The following BRINP1 variants were observed in gnomAD, a reference collection of about 807,000 sequenced individuals.
BRINP1 encodes the protein BMP/retinoic acid inducible neural specific 1, also known as BMP/retinoic acid-inducible neural-specific protein 1.
In BRINP1, 17 loss-of-function variants were observed where a neutral mutation model predicts 72.9. The observed-to-expected ratio is 0.23, with a 90% CI of 0.16 to 0.35. The LOEUF is 0.35. Ranked by LOEUF, BRINP1 falls within the 10% of genes least tolerant of loss-of-function variation. The pLI, the probability that BRINP1 is intolerant of heterozygous loss-of-function variation, is 1.00. For synonymous variants in BRINP1, 418 were observed against 378.5 expected (o/e 1.10, Z -1.21); for missense variants, 850 against 1,001.6 (o/e 0.85, Z 2.04).
chr9:119,270,770 G>A (rs2118950956), intron 2 of BRINP1, among the ~76,000 whole-genome samples: 1 of 152,184 alleles, frequency 6.6e-6, no homozygotes, highest in East Asian at 1.9e-4. Context: ...ATCTAGATTT[G>A]GGGAGAAAAA....
intron 2 of BRINP1, among the ~76,000 whole-genome samples, chr9:119,302,527 C>A (rs1588197609): frequency 6.6e-6 from 1 of 151,940 alleles, no homozygotes; most frequent in Non-Finnish European, 1.5e-5. Context: ...ATCATTGAAA[C>A]CTTAAGAACA....
intron 2 of BRINP1, among the ~76,000 whole-genome samples, chr9:119,289,445 A>C (rs2118971415): frequency 6.6e-6 from 1 of 152,304 alleles, no homozygotes; most frequent in Admixed American, 6.5e-5. Context: ...GTTCCGTGAA[A>C]GGAGGAGGCC....
chr9:119,167,075 A>T lies in BRINP1; in HGVS notation c.*9T>A, dbSNP rs765485267. The T allele has an allele frequency of 3.8e-6, 6 of 1,581,946 alleles. No homozygotes were observed. The highest frequency in any genetic ancestry group is 1.7e-4 in the Middle Eastern group (1 of 5,828). ...ACAACAGGAAAAGTCCATGGCAAGGAGTCCCGGGTTAGCAGAGTTTGGCTG... is the reference window on the plus strand; with the variant it reads ...ACAACAGGAAAAGTCCATGGCAAGGTGTCCCGGGTTAGCAGAGTTTGGCTG... On this transcript the variant is annotated 3_prime_UTR_variant, in exon 8 of 8. Transcript: ENST00000265922. This position sits in a 1 kb window ranked among gnomAD's most constrained non-coding sequence, Gnocchi z 4.3.
chr9:119,193,798 GT>G (rs2118853656), intron 7 of BRINP1, among the ~76,000 whole-genome samples: 1 of 152,076 alleles, frequency 6.6e-6, no homozygotes, highest in South Asian at 2.1e-4. Context: ...TATTTCTCCC[GT>G]AAAGACAACA....
chr9:119,274,633 T>C (rs1347272911), intron 2 of BRINP1, among the ~76,000 whole-genome samples: 1 of 152,146 alleles, frequency 6.6e-6, no homozygotes. Flanking sequence ...ATTTGTAGAA[T>C]GGAAATGATT....
intron 3 of BRINP1, among the ~76,000 whole-genome samples, chr9:119,247,543 TGCTCGGCGG>T (rs1392897410): frequency 2.6e-5 from 4 of 151,374 alleles, no homozygotes; most frequent in Admixed American, 1.3e-4. Flanking sequence ...TAGTCCCAGC[TGCTCGGCGG>T]GCTGAGGCAG....
chr9:119,322,979 C>A, intron 1 of BRINP1, among the ~76,000 whole-genome samples: 1 of 152,148 alleles, frequency 6.6e-6, no homozygotes, highest in East Asian at 1.9e-4. Flanking sequence ...AGGTGCACGA[C>A]CATCATATAG....
rs777192574 is a variant in BRINP1, at chr9:119,313,220, C to G, written c.136G>C (p.Gly46Arg). The change falls in exon 2 of 8, where the codon GGG becomes CGG. Residue 46 changes from glycine to arginine, a missense_variant. Physicochemically the swap from Gly to Arg is moderately radical, Grantham distance 125. Coordinates refer to ENST00000265922, the MANE Select transcript of BRINP1 (RefSeq NM_014618.3). ...TAGCTCCTGGAGTGGTGGAAAGGCC[C>G]CCTGTCTGAAATGAGCCAATCAAAT... ...KEFDWLISDRGPFHHSRSYLS... is the reference protein window; with the variant it reads ...KEFDWLISDRRPFHHSRSYLS... The G allele has an allele frequency of 6.2e-7, 1 of 1,614,006 alleles. No homozygotes were observed. Among genetic ancestry groups the G allele is most frequent in the African/African-American group, 1.3e-5 (1 of 74,900 alleles).
chr9:119,234,104 C>G (rs1489423504), intron 5 of BRINP1, among the ~76,000 whole-genome samples: 1 of 152,064 alleles, frequency 6.6e-6, no homozygotes, highest in African/African-American at 2.4e-5. Context: ...TTGCTGTGAA[C>G]ATTTATGTCT....
At chr9:119,307,271 T>C (rs1831007931) in intron 2 of BRINP1, among the ~76,000 whole-genome samples, 1 of 152,128 alleles carries the variant, frequency 6.6e-6, no homozygotes, top group Non-Finnish European at 1.5e-5. Flanking sequence ...TTTTAGCTCC[T>C]GTCTCTCCTA....
intron 3 of BRINP1, among the ~76,000 whole-genome samples, chr9:119,245,093 G>A (rs1160417913): frequency 6.6e-6 from 1 of 152,164 alleles, no homozygotes; most frequent in Non-Finnish European, 1.5e-5. Flanking sequence ...AAAATGCAGG[G>A]AGGGAAATAG....
intron 7 of BRINP1, among the ~76,000 whole-genome samples, chr9:119,180,738 T>C (rs914330163): frequency 9.2e-5 from 14 of 152,304 alleles, no homozygotes; most frequent in Admixed American, 3.3e-4. Context: ...TGTTTTTCCT[T>C]CTCTCAGTTC....
intron 5 of BRINP1, among the ~76,000 whole-genome samples, chr9:119,227,942 T>C (rs1035953076): frequency 3.3e-5 from 5 of 152,050 alleles, no homozygotes; most frequent in African/African-American, 1.2e-4. Flanking sequence ...CTAAGAAGGA[T>C]AGCATCTCAA....
Position 119,248,943 on chromosome 9 carries a change from A to G in BRINP1, c.409+17T>C. 6.2e-7 allele frequency: 1 copy of G among 1,605,196 alleles called. No individual in the cohort carries two copies. The highest frequency in any genetic ancestry group is 8.5e-7 in the Non-Finnish European group (1 of 1,173,720). On this transcript the variant is annotated intron_variant, in intron 3 of 7. Coordinates refer to ENST00000265922, the MANE Select transcript of BRINP1 (RefSeq NM_014618.3). The stretch of plus-strand genomic sequence containing the variant: ...CAAAGTCATGAGAAGGCTCTGGCCC[A>G]GTGGCTGCTGACCTACCTCCCAATG...
At chr9:119,335,017 A>T (rs1211333922) in intron 1 of BRINP1, among the ~76,000 whole-genome samples, 1 of 152,130 alleles carries the variant, frequency 6.6e-6, no homozygotes. Flanking sequence ...AGAGTGAGTG[A>T]TGGGGTGGCC....
chr9:119,332,452 T>TAC (rs1831308853), intron 1 of BRINP1, among the ~76,000 whole-genome samples: 1 of 152,208 alleles, frequency 6.6e-6, no homozygotes, highest in South Asian at 2.1e-4. Context: ...CTCTGTCATG[T>TAC]ACTTTTTAGC....
chr9:119,296,990 T>A (rs1015386322), intron 2 of BRINP1, among the ~76,000 whole-genome samples: 3 of 152,068 alleles, frequency 2.0e-5, no homozygotes, highest in Non-Finnish European at 4.4e-5. Flanking sequence ...ATTCTTGAAA[T>A]TTGCTAAGAG....
intron 1 of BRINP1, among the ~76,000 whole-genome samples, chr9:119,367,771 T>C (rs1293492526): frequency 6.6e-6 from 1 of 152,154 alleles, no homozygotes; most frequent in African/African-American, 2.4e-5. Flanking sequence ...GGTTCCACAC[T>C]CACAGCCCCT....
chr9:119,176,494 G>T (rs923771457), intron 7 of BRINP1, among the ~76,000 whole-genome samples: 1 of 152,184 alleles, frequency 6.6e-6, no homozygotes, highest in Non-Finnish European at 1.5e-5. Context: ...GAAAAGTATG[G>T]TTGTTGGCCC....
Sources: gnomAD v4.1 joint callset for allele counts (sites outside exome capture counted in the v4.1 genomes callset) on GRCh38, gnomAD v4.1.1 for gene constraint, Gnocchi (gnomAD v3.1) non-coding constraint, MANE v1.5 for transcripts, NCBI Gene and HGNC (gene_info 2026-07-23, HGNC 2026-07-21) for gene names.